The following CPNE3 variants were observed in gnomAD, a reference collection of about 807,000 sequenced individuals.
CPNE3 encodes copine 3, also known as copine-3.
In CPNE3, 68 loss-of-function variants were observed where a neutral mutation model predicts 63.9. The ratio of observed to expected loss-of-function variants is 1.06; its 90% CI spans 0.87 to 1.30. The LOEUF is 1.30. Ranked by LOEUF, CPNE3 falls within the 50% of genes most tolerant of loss-of-function variation. The pLI, the probability that CPNE3 is intolerant of heterozygous loss-of-function variation, is 0.00. For missense variants in CPNE3, 665 were observed against 578.1 expected, an observed-to-expected ratio of 1.15 and a Z score of -1.54; for synonymous variants, 219 against 197.5, an observed-to-expected ratio of 1.11 and a Z score of -0.91.
At position 86,537,559 on chromosome 8, in the gene CPNE3, G is replaced by A. The variant is rs1820827332; in HGVS notation, c.460-4G>A. The A allele has an allele frequency of 1.3e-6, 2 of 1,570,490 alleles. No homozygotes were observed. Among genetic ancestry groups the A allele is most frequent in the Non-Finnish European group, 1.8e-6 (2 of 1,140,502 alleles). ...ATGCTTTTTGTTGTTTGTTTTAAATGTAGGATCTATTTGGAAAGTCAGACC... is the reference window on the plus strand; with the variant it reads ...ATGCTTTTTGTTGTTTGTTTTAAATATAGGATCTATTTGGAAAGTCAGACC... On this transcript the variant is annotated splice_polypyrimidine_tract_variant and splice_region_variant and intron_variant, in intron 6 of 16. Coordinates refer to ENST00000517490, the MANE Select transcript of CPNE3 (RefSeq NM_003909.5).
intron 7 of CPNE3, among the ~76,000 whole-genome samples, chr8:86,538,218 T>C (rs1356010378): frequency 2.0e-5 from 3 of 152,050 alleles, no homozygotes; most frequent in African/African-American, 4.8e-5. Context: ...CTACTAAAAA[T>C]ACAAAAATTA....
Position 86,544,778 on chromosome 8 carries a change from T to A in CPNE3, c.672T>A (p.Asp224Glu). ...ATTATGACAATGATGGGTCACATGA[T>A]CTCATTGGAACATTTCAGACCACCA... is the stretch of plus-strand genomic sequence containing the variant. ...CYDYDNDGSH[D>E]LIGTFQTTMT... is the part of the protein sequence containing the mutation. The change falls in exon 9 of 17, where the codon GAT (aspartate) becomes GAA (glutamate). Residue 224 changes from aspartate to glutamate, a missense_variant. Coordinates refer to ENST00000517490, the MANE Select transcript of CPNE3 (RefSeq NM_003909.5). 1 of 1,577,012 alleles carries A rather than the reference T, an allele frequency of 6.3e-7. No homozygotes were observed. The highest frequency in any genetic ancestry group is 8.6e-7 in the Non-Finnish European group (1 of 1,160,524).
intron 2 of CPNE3, among the ~76,000 whole-genome samples, chr8:86,522,710 G>A (rs2131426469): frequency 6.6e-6 from 1 of 152,162 alleles, no homozygotes; most frequent in African/African-American, 2.4e-5. Context: ...TAGCGGTCAG[G>A]CAGGATGTAC....
intron 12 of CPNE3, 31 bp downstream of exon 12, chr8:86,548,465 A>G (rs1821103267): frequency 2.5e-6 from 4 of 1,613,084 alleles, no homozygotes; most frequent in East Asian, 2.2e-5. Context: ...ACTAAAATAC[A>G]TGTTTTCACA....
At chr8:86,551,869 G>A (rs1821187441) in intron 14 of CPNE3, among the ~76,000 whole-genome samples, 1 of 152,210 alleles carries the variant, frequency 6.6e-6, no homozygotes, top group Non-Finnish European at 1.5e-5. Context: ...ATGTTGGCCA[G>A]GCTGGTCTTG....
At chr8:86,526,342 G>A (rs1820539496) in intron 2 of CPNE3, among the ~76,000 whole-genome samples, 1 of 151,856 alleles carries the variant, frequency 6.6e-6, no homozygotes, top group Non-Finnish European at 1.5e-5. Flanking sequence ...AGTATGGATT[G>A]GAATAATCAG....
At chr8:86,516,154 G>T (rs766458032) in intron 2 of CPNE3, among the ~76,000 whole-genome samples, 2 of 152,180 alleles carry the variant, frequency 1.3e-5, no homozygotes, top group Non-Finnish European at 2.9e-5. Flanking sequence ...ATGTGAGGTG[G>T]AGCTGAATTT....
rs1317712429 is a variant in CPNE3, at chr8:86,537,585, C to T, written c.482C>T (p.Pro161Leu). The change falls in exon 7 of 17, where the codon CCA (proline) becomes CTA (leucine). Residue 161 changes from proline to leucine, a missense_variant. Coordinates refer to ENST00000517490, the MANE Select transcript of CPNE3 (RefSeq NM_003909.5). The part of the protein sequence containing the change: ...DNKDLFGKSD[P>L]YLEFHKQTSD... The stretch of plus-strand genomic sequence containing the variant: ...TAGGATCTATTTGGAAAGTCAGACC[C>T]ATACCTGGAATTCCACAAGCAGACA... 2 of 1,606,946 alleles carry T rather than the reference C, an allele frequency of 1.2e-6. No individual in the cohort carries two copies. The highest frequency in any genetic ancestry group is 1.1e-5 in the South Asian group (1 of 90,970).
At chr8:86,554,487 T>A (rs1267844371) in intron 14 of CPNE3, among the ~76,000 whole-genome samples, 2 of 152,256 alleles carry the variant, frequency 1.3e-5, no homozygotes, top group African/African-American at 4.8e-5. Context: ...TAACTCTTTC[T>A]TACCTTTCAT....
intron 6 of CPNE3, among the ~76,000 whole-genome samples, chr8:86,533,223 T>G (rs1820724158): frequency 6.6e-6 from 1 of 152,138 alleles, no homozygotes; most frequent in Non-Finnish European, 1.5e-5. Flanking sequence ...CTAGTCAATA[T>G]TCTTCATTGT....
At chr8:86,526,899 T>C (rs1563686948) in intron 2 of CPNE3, among the ~76,000 whole-genome samples, 1 of 152,182 alleles carries the variant, frequency 6.6e-6, no homozygotes, top group Non-Finnish European at 1.5e-5. Flanking sequence ...TTAGGAATCT[T>C]AGTATTGATT....
In CPNE3 at chr8:86,546,730, G is replaced by T. The variant is rs1338880256; in HGVS notation, c.819+49G>T. 6 of 1,558,524 alleles carry T rather than the reference G, an allele frequency of 3.8e-6. No individual in the cohort carries two copies. In the African/African-American group the frequency reaches 4.2e-5, roughly 11 times the overall value. Reference sequence around the variant, plus strand: ...TTTTATTTATTTATTTATTCTTTTTGAGCTGGAGCCTCGCTCTGTTGCCCA... The same window carrying T: ...TTTTATTTATTTATTTATTCTTTTTTAGCTGGAGCCTCGCTCTGTTGCCCA... On this transcript the variant is annotated intron_variant, in intron 10 of 16. Coordinates refer to ENST00000517490, the MANE Select transcript of CPNE3 (RefSeq NM_003909.5).
intron 14 of CPNE3, among the ~76,000 whole-genome samples, chr8:86,552,537 T>G (rs1203105460): frequency 6.6e-6 from 1 of 152,164 alleles, no homozygotes; most frequent in East Asian, 1.9e-4. Context: ...GTTCAGTCAC[T>G]CTGTGAGTAA....
At chr8:86,557,796 A>G (rs1821355062) in intron 16 of CPNE3, among the ~76,000 whole-genome samples, 1 of 152,108 alleles carries the variant, frequency 6.6e-6, no homozygotes, top group Admixed American at 6.5e-5. Context: ...TAAAACTAGA[A>G]ATCAGAGTAA....
At chr8:86,549,532 G>A (rs1821126367) in intron 12 of CPNE3, among the ~76,000 whole-genome samples, 1 of 152,070 alleles carries the variant, frequency 6.6e-6, no homozygotes, top group Non-Finnish European at 1.5e-5. Flanking sequence ...CTGTCAAACT[G>A]GACAAGAATT....
At chr8:86,555,989 G>A (rs936044365) in intron 15 of CPNE3, 113 bp from the exon 16 acceptor site, 2 of 713,740 alleles carry the variant, frequency 2.8e-6, no homozygotes, top group Non-Finnish European at 5.1e-6. Flanking sequence ...GTGGTAGCTA[G>A]GGTAGAGACT....
At chr8:86,526,789 G>A (rs1233018401) in intron 2 of CPNE3, among the ~76,000 whole-genome samples, 1 of 152,196 alleles carries the variant, frequency 6.6e-6, no homozygotes, top group Non-Finnish European at 1.5e-5. Context: ...TGGGAGTACA[G>A]GTGTGAGCTG....
At chr8:86,529,836 T>G (rs147040746) in intron 4 of CPNE3, among the ~76,000 whole-genome samples, 10 of 152,218 alleles carry the variant, frequency 6.6e-5, no homozygotes, top group Non-Finnish European at 1.0e-4. Context: ...TATGTGACAT[T>G]TGTCACTCAC....
At chr8:86,541,670 C>A (rs1820944325) in intron 8 of CPNE3, among the ~76,000 whole-genome samples, 1 of 147,884 alleles carries the variant, frequency 6.8e-6, no homozygotes. Context: ...CTTCACACTG[C>A]ACTCCAGCCT....
Sources: allele counts gnomAD v4.1 joint callset (sites outside exome capture counted in the v4.1 genomes callset), GRCh38; gene constraint gnomAD v4.1.1; transcripts MANE v1.5; gene names NCBI Gene and HGNC (gene_info 2026-07-23, HGNC 2026-07-21).